KCTD8: variants seen among roughly 807,000 people sequenced by gnomAD.
KCTD8 encodes the protein BTB/POZ domain-containing protein KCTD8.
In KCTD8, 27 loss-of-function variants were observed where a neutral mutation model predicts 31.5. That is an observed-to-expected ratio of 0.86 (90% CI 0.63 to 1.18). KCTD8 has a LOEUF of 1.18. Ranked by LOEUF, KCTD8 falls within the 50% of genes most tolerant of loss-of-function variation. KCTD8 has a pLI of 0.00. For synonymous variants in KCTD8, 290 were observed against 280.0 expected, an observed-to-expected ratio of 1.04 and a Z score of -0.36; for missense variants, 658 against 647.7, an observed-to-expected ratio of 1.02 and a Z score of -0.17.
chr4:44,202,367 G>A (rs909414637), intron 1 of KCTD8, among the ~76,000 whole-genome samples: 4 of 152,038 alleles, frequency 2.6e-5, no homozygotes, highest in Non-Finnish European at 5.9e-5. Flanking sequence ...GCAAAGACAT[G>A]GAATCAACTT....
At chr4:44,358,349 A>G (rs1363878988) in intron 1 of KCTD8, among the ~76,000 whole-genome samples, 2 of 152,174 alleles carry the variant, frequency 1.3e-5, no homozygotes, top group East Asian at 1.9e-4. Context: ...CAGTGCTGCA[A>G]TAAACATACA....
At position 44,279,425 on chromosome 4, in the gene KCTD8, T is replaced by C. The variant is rs144831975; in HGVS notation, c.962-104175A>G. Among the ~76,000 whole-genome samples the C allele has an allele frequency of 2.6e-3, 400 of 152,168 alleles. 1 individual carries two copies. Among genetic ancestry groups the C allele is most frequent in the Middle Eastern group, 0.01 (3 of 294 alleles). On this transcript the variant is annotated intron_variant, in intron 1 of 1. Coordinates refer to ENST00000360029, the MANE Select transcript of KCTD8 (RefSeq NM_198353.3). ...CCTTCTATCTTCAAGCCAGCCATGG[T>C]GCTTGGAGTCCCAATGCTTCAAGTC... is the stretch of plus-strand genomic sequence containing the variant.
chr4:44,181,609 C>G (rs1302153719), intron 1 of KCTD8, among the ~76,000 whole-genome samples: 1 of 152,160 alleles, frequency 6.6e-6, no homozygotes, highest in Non-Finnish European at 1.5e-5. Flanking sequence ...CCTCCACCTC[C>G]CAGCCGCCTG....
intron 1 of KCTD8, among the ~76,000 whole-genome samples, chr4:44,406,924 CTAAA>C (rs1002317554): frequency 6.6e-6 from 1 of 152,100 alleles, no homozygotes; most frequent in African/African-American, 2.4e-5. Context: ...TTAAGCATAA[CTAAA>C]TAAATATGAG....
At chr4:44,197,189 A>G (rs866769201) in intron 1 of KCTD8, among the ~76,000 whole-genome samples, 2 of 152,060 alleles carry the variant, frequency 1.3e-5, no homozygotes, top group African/African-American at 2.4e-5. Flanking sequence ...AGCAGGAGAG[A>G]AGGCCCCACT....
chr4:44,251,834 T>C (rs1017368318), intron 1 of KCTD8, among the ~76,000 whole-genome samples: 6 of 151,630 alleles, frequency 4.0e-5, no homozygotes, highest in Non-Finnish European at 8.9e-5. Flanking sequence ...ACTTTTGATA[T>C]GCTTTTTTTT....
Position 44,336,960 on chromosome 4 carries a change from G to GA in KCTD8, c.961+110602dup, listed in dbSNP as rs554286802. 4.7e-3 allele frequency among the ~76,000 whole-genome samples: 721 copies of GA among 151,992 alleles called. 27 individuals carry two copies. Among genetic ancestry groups the GA allele is most frequent in the Admixed American group, 0.044 (673 of 15,244 alleles). On this transcript the variant is annotated intron_variant, in intron 1 of 1. Coordinates refer to ENST00000360029, the MANE Select transcript of KCTD8 (RefSeq NM_198353.3). ...TTTAAGAAAGATTGAATAAATTATG[G>GA]AAAAAAATTAAATAAAATTTAAATG...
At chr4:44,259,432 T>C (rs1716098429) in intron 1 of KCTD8, among the ~76,000 whole-genome samples, 1 of 151,864 alleles carries the variant, frequency 6.6e-6, no homozygotes, top group Non-Finnish European at 1.5e-5. Flanking sequence ...CAAGTACATA[T>C]GGCCATAGGA....
chr4:44,301,088 T>C (rs987380993), intron 1 of KCTD8, among the ~76,000 whole-genome samples: 45 of 152,116 alleles, frequency 3.0e-4, no homozygotes, highest in African/African-American at 1.0e-3. Context: ...GGTGTATATG[T>C]GCCACATTTT....
chr4:44,241,770 G>C (rs1443283059), intron 1 of KCTD8, among the ~76,000 whole-genome samples: 1 of 152,132 alleles, frequency 6.6e-6, no homozygotes, highest in East Asian at 1.9e-4. Flanking sequence ...CAGATCCCTA[G>C]TAAAATGTCA....
In KCTD8 at chr4:44,373,160, C is replaced by T. The variant is rs187816859; in HGVS notation, c.961+74403G>A. The stretch of plus-strand genomic sequence containing the variant: ...AGGGTGGATCACGAGGTCAGGAGTT[C>T]GAGACCAGCCTGACCAACATGGTGA... On this transcript the variant is annotated intron_variant, in intron 1 of 1. Transcript: ENST00000360029. Among the ~76,000 whole-genome samples the T allele has an allele frequency of 2.8e-4, 42 of 152,086 alleles. No individual in the cohort carries two copies. The East Asian group carries it at 6.8e-3, about 25-fold the overall frequency.
At chr4:44,181,515 C>T (rs1002311893) in intron 1 of KCTD8, among the ~76,000 whole-genome samples, 9 of 152,204 alleles carry the variant, frequency 5.9e-5, no homozygotes, top group South Asian at 4.1e-4. Context: ...CCCGAGGCGC[C>T]GGGATTGCAG....
At chr4:44,323,499 C>CT in intron 1 of KCTD8, among the ~76,000 whole-genome samples, 1 of 91,958 alleles carries the variant, frequency 1.1e-5, no homozygotes, top group African/African-American at 3.7e-5. Flanking sequence ...CATCCCCACC[C>CT]ACCCCCCCCC....
chr4:44,263,281 T>G (rs1260515736), intron 1 of KCTD8, among the ~76,000 whole-genome samples: 1 of 152,148 alleles, frequency 6.6e-6, no homozygotes, highest in Admixed American at 6.5e-5. Context: ...ATCTGTTTTG[T>G]TTTTCAAAGA....
intron 1 of KCTD8, among the ~76,000 whole-genome samples, chr4:44,247,560 C>A (rs1715702258): frequency 6.6e-6 from 1 of 151,854 alleles, no homozygotes; most frequent in Admixed American, 6.6e-5. Context: ...ATAAGCATAT[C>A]TCTAGACTTT....
intron 1 of KCTD8, among the ~76,000 whole-genome samples, chr4:44,446,092 T>C (rs979766256): frequency 6.6e-6 from 1 of 152,170 alleles, no homozygotes; most frequent in African/African-American, 2.4e-5. Flanking sequence ...TCTCAAGAAA[T>C]CCAGCATTAC....
chr4:44,292,186 C>G (rs535841507), intron 1 of KCTD8, among the ~76,000 whole-genome samples: 18 of 152,200 alleles, frequency 1.2e-4, no homozygotes, highest in African/African-American at 4.3e-4. Flanking sequence ...ATGTTAATCA[C>G]TGCACTATTC....
chr4:44,444,340 C>A (rs1721887245), intron 1 of KCTD8, among the ~76,000 whole-genome samples: 1 of 152,004 alleles, frequency 6.6e-6, no homozygotes, highest in African/African-American at 2.4e-5. Context: ...GGTGACTTGG[C>A]CTGAAAAATT....
intron 1 of KCTD8, among the ~76,000 whole-genome samples, chr4:44,438,216 A>C (rs2109482389): frequency 6.6e-6 from 1 of 152,320 alleles, no homozygotes; most frequent in Non-Finnish European, 1.5e-5. Context: ...TATATTGAAG[A>C]TATGTCAGAG....
Sources: gnomAD v4.1 joint callset for allele counts (sites outside exome capture counted in the v4.1 genomes callset) on GRCh38, gnomAD v4.1.1 for gene constraint, MANE v1.5 for transcripts, NCBI Gene and HGNC (gene_info 2026-07-23, HGNC 2026-07-21) for gene names.